Variants in NPAS2 observed in about 807,000 individuals in gnomAD.
The protein encoded by NPAS2 is neuronal PAS domain protein 2, also known as neuronal PAS domain-containing protein 2.
A neutral mutation model predicts 107.5 loss-of-function variants in NPAS2; 23 were observed. That is an observed-to-expected ratio of 0.21 (90% CI 0.15 to 0.30). The LOEUF is 0.30. NPAS2 is among the 10% of genes least tolerant of loss of function. NPAS2 has a pLI of 1.00. For missense variants in NPAS2, 756 were observed against 1,043.3 expected (o/e 0.72, Z 3.79); for synonymous variants, 403 against 417.5 (o/e 0.97, Z 0.42).
In NPAS2 at chr2:100,979,480, C is replaced by CTATATATATATA. The variant is rs201705535; in HGVS notation, c.1482+1693_1482+1704dup. Among the ~76,000 whole-genome samples, 44 of 64,790 alleles carry CTATATATATATA rather than the reference C, an allele frequency of 6.8e-4. 1 individual carries two copies. Among genetic ancestry groups the CTATATATATATA allele is most frequent in the African/African-American group, 2.8e-3 (35 of 12,602 alleles). 42.5% of individuals were successfully genotyped at this position (64,790 alleles called of 152,430 possible). A position where few individuals can be genotyped will look rare whatever the true frequency, so the allele number is the denominator to read the frequency against. On this transcript the variant is annotated intron_variant, in intron 15 of 20. Coordinates refer to ENST00000335681, the MANE Select transcript of NPAS2 (RefSeq NM_002518.4). ...TCATGTGTACTATATTTAATAATAA[C>CTATATATATATA]TATATATATATATATATATATATTT...
At chr2:100,942,976 A>C (rs1674665312) in intron 5 of NPAS2, among the ~76,000 whole-genome samples, 1 of 152,194 alleles carries the variant, frequency 6.6e-6, no homozygotes, top group Admixed American at 6.5e-5. Flanking sequence ...CAATTCCTGC[A>C]TTCATCCCAG....
At chr2:100,964,030 AT>A (rs1676069950) in intron 7 of NPAS2, 27 bp from the exon 8 acceptor site, 2 of 1,459,270 alleles carry the variant, frequency 1.4e-6, no homozygotes, top group South Asian at 2.3e-5. Flanking sequence ...GGGCTAACCT[AT>A]GTGTCCTCTT....
intron 1 of NPAS2, among the ~76,000 whole-genome samples, chr2:100,840,602 C>T (rs962989344): frequency 2.2e-5 from 3 of 135,614 alleles, no homozygotes; most frequent in Non-Finnish European, 4.9e-5. Context: ...CCACAGCCCC[C>T]ATTTTTTTTT....
At chr2:100,941,061 G>GA (rs1674543883) in intron 5 of NPAS2, among the ~76,000 whole-genome samples, 1 of 152,208 alleles carries the variant, frequency 6.6e-6, no homozygotes, top group African/African-American at 2.4e-5. Context: ...TTGTAAGGGG[G>GA]ATGAGAGCAG....
chr2:100,945,665 C>T (rs990872593), intron 5 of NPAS2, among the ~76,000 whole-genome samples: 5 of 152,074 alleles, frequency 3.3e-5, no homozygotes, highest in Admixed American at 2.0e-4. Context: ...TCTCGCCCTC[C>T]CTGTTGTTCC....
chr2:100,995,857 C>T lies in NPAS2; in HGVS notation c.*275C>T, dbSNP rs540116137. 1.7e-5 allele frequency: 26 copies of T among 1,511,564 alleles called. No homozygotes were observed. The highest frequency in any genetic ancestry group is 1.6e-4 in the Admixed American group (8 of 49,732). 93.6% of individuals were successfully genotyped at this position (1,511,564 alleles called of 1,614,324 possible). A position where few individuals can be genotyped will look rare whatever the true frequency, so the allele number is the denominator to read the frequency against. Reference sequence around the variant, plus strand: ...ACCAGGTGCCCCGTGTAGGCATCGTCGGTCGGTTTGCCGTCAGAGATGGCG... The same window carrying T: ...ACCAGGTGCCCCGTGTAGGCATCGTTGGTCGGTTTGCCGTCAGAGATGGCG... On this transcript the variant is annotated 3_prime_UTR_variant, in exon 21 of 21. Transcript: ENST00000335681.
chr2:100,912,769 A>T (rs962297651), intron 2 of NPAS2, among the ~76,000 whole-genome samples: 2 of 152,244 alleles, frequency 1.3e-5, no homozygotes, highest in Non-Finnish European at 2.9e-5. Context: ...TGGCTTTGGA[A>T]GCCAAACATT....
Position 100,988,215 on chromosome 2 carries a change from T to C in NPAS2, c.1766T>C (p.Ile589Thr). ...LGAGPQLPGQISSAQVTSQHL... is the reference protein window; with the variant it reads ...LGAGPQLPGQTSSAQVTSQHL... ...GCGGGCCCCCAACTTCCAGGGCAGA[T>C]CTCCTCTGCCCAGGTCACAAGCCAG... The change falls in exon 17 of 21, where the codon ATC becomes ACC. Residue 589 changes from isoleucine (I) to threonine (T), a missense_variant. Physicochemically the swap from Ile to Thr is moderately conservative, Grantham distance 89. Transcript: ENST00000335681. 1 of 1,614,064 alleles carries C rather than the reference T, an allele frequency of 6.2e-7. No homozygotes were observed. Among genetic ancestry groups the C allele is most frequent in the Non-Finnish European group, 8.5e-7 (1 of 1,180,024 alleles).
At chr2:100,825,913 G>A (rs925074694) in intron 1 of NPAS2, among the ~76,000 whole-genome samples, 5 of 152,186 alleles carry the variant, frequency 3.3e-5, no homozygotes, top group East Asian at 1.9e-4. Context: ...GGCAGGGGGC[G>A]GGGAGGTCTC....
intron 1 of NPAS2, among the ~76,000 whole-genome samples, chr2:100,890,137 A>C (rs1051558811): frequency 1.3e-5 from 2 of 152,168 alleles, no homozygotes; most frequent in Non-Finnish European, 2.9e-5. Context: ...TCTTAGTGTG[A>C]CACACCAGGA....
chr2:100,837,885 G>A (rs1677164807), intron 1 of NPAS2, among the ~76,000 whole-genome samples: 1 of 152,182 alleles, frequency 6.6e-6, no homozygotes, highest in Non-Finnish European at 1.5e-5. Context: ...GAATGACAGA[G>A]CTGGACGAGA....
chr2:100,948,783 G>C (rs1024750113), intron 6 of NPAS2, among the ~76,000 whole-genome samples: 1 of 152,092 alleles, frequency 6.6e-6, no homozygotes, highest in Admixed American at 6.5e-5. Flanking sequence ...TCCTCCTGAG[G>C]CTCTCACCTG....
At chr2:100,944,792 C>T (rs1412878040) in intron 5 of NPAS2, among the ~76,000 whole-genome samples, 1 of 152,094 alleles carries the variant, frequency 6.6e-6, no homozygotes, top group Non-Finnish European at 1.5e-5. Context: ...ATCCAGCGTT[C>T]GTCTTTATTC....
chr2:100,876,632 C>G (rs998146526), intron 1 of NPAS2, among the ~76,000 whole-genome samples: 8 of 152,120 alleles, frequency 5.3e-5, no homozygotes, highest in African/African-American at 1.9e-4. Context: ...AGATGTGGGC[C>G]TGGTGTGTGG....
chr2:100,949,973 T>C lies in NPAS2; in HGVS notation c.598+493T>C, dbSNP rs140463126. Reference sequence around the variant, plus strand: ...TTTTACAATGAGCCAGGAATCTGCATTGGATGAATTATCAAGCAGGATAAG... The same window carrying C: ...TTTTACAATGAGCCAGGAATCTGCACTGGATGAATTATCAAGCAGGATAAG... On this transcript the variant is annotated intron_variant, in intron 7 of 20. Transcript: ENST00000335681. 4.1e-4 allele frequency among the ~76,000 whole-genome samples: 62 copies of C among 152,292 alleles called. 1 individual carries two copies. The highest frequency in any genetic ancestry group is 1.5e-4 in the Non-Finnish European group (10 of 68,014).
In NPAS2 at chr2:100,905,281, C is replaced by T. The variant is rs538427842; in HGVS notation, c.32+495C>T. Among the ~76,000 whole-genome samples, 37 of 152,122 alleles carry T rather than the reference C, an allele frequency of 2.4e-4. No individual in the cohort carries two copies. The South Asian group carries it at 6.9e-3, about 28-fold the overall frequency. ...TATACATAGATTAGCTCAGTTTCCTCGGCTGTAGATTGGAGATGTCATAGA... is the reference window on the plus strand; with the variant it reads ...TATACATAGATTAGCTCAGTTTCCTTGGCTGTAGATTGGAGATGTCATAGA... On this transcript the variant is annotated intron_variant, in intron 2 of 20. Coordinates refer to ENST00000335681, the MANE Select transcript of NPAS2 (RefSeq NM_002518.4).
Position 100,990,294 on chromosome 2 carries a change from C to T in NPAS2, c.1866C>T (p.Ser622=), listed in dbSNP as rs1228985338. 1 of 1,614,050 alleles carries T rather than the reference C, an allele frequency of 6.2e-7. No homozygotes were observed. The highest frequency in any genetic ancestry group is 8.5e-7 in the Non-Finnish European group (1 of 1,180,044). Residue 622 remains serine, a synonymous_variant, in exon 18 of 21, where the codon AGC becomes AGT. Coordinates refer to ENST00000335681, the MANE Select transcript of NPAS2 (RefSeq NM_002518.4). ...TGAGAAGCTCACAGCTAATGCAGAG[C>T]AGCGGCCGCTCTGGAAGCAGCCTAG... ...KPMRSSQLMQ[S]SGRSGSSLVS...
upstream of NPAS2, among the ~76,000 whole-genome samples, chr2:100,819,004 C>T (rs1410596370): frequency 6.6e-6 from 1 of 152,182 alleles, no homozygotes; most frequent in African/African-American, 2.4e-5. The surrounding 1 kb of genome is among the most constrained non-coding windows in gnomAD (Gnocchi z 5.8). Flanking sequence ...CAGACAGCAG[C>T]CCCGGCACCC....
At chr2:100,907,643 A>G (rs1682251038) in intron 2 of NPAS2, among the ~76,000 whole-genome samples, 2 of 152,116 alleles carry the variant, frequency 1.3e-5, no homozygotes. Flanking sequence ...TTTTGATGAG[A>G]TTAGAAATGT....
Sources: gnomAD v4.1 joint callset for allele counts (sites outside exome capture counted in the v4.1 genomes callset) on GRCh38, gnomAD v4.1.1 for gene constraint, Gnocchi (gnomAD v3.1) non-coding constraint, MANE v1.5 for transcripts, NCBI Gene and HGNC (gene_info 2026-07-23, HGNC 2026-07-21) for gene names.